The following TMCC1 variants were observed in gnomAD, a reference collection of about 807,000 sequenced individuals.
TMCC1 encodes transmembrane and coiled-coil domains protein 1.
Under a neutral mutation model 52.4 loss-of-function variants are expected in TMCC1, and 15 were observed. The ratio of observed to expected loss-of-function variants is 0.29; its 90% confidence interval spans 0.19 to 0.44. The LOEUF (loss-of-function observed/expected upper bound fraction) is 0.44. Ranked by LOEUF, TMCC1 falls within the 20% of genes least tolerant of loss-of-function variation. The probability of loss-of-function intolerance (pLI) is 1.00; values close to 1 mark genes in which losing one functional copy is unlikely to be tolerated. For synonymous variants in TMCC1, 279 were observed against 301.9 expected, an observed-to-expected ratio of 0.92 and a Z score of 0.79; for missense variants, 503 against 806.0, an observed-to-expected ratio of 0.62 and a Z score of 4.55.
rs529159761 is a variant in TMCC1, at chr3:129,706,667, G to T, written c.577-35403C>A. ...AACACAGGAAACTCCTAAACTTTTA[G>T]AAGTGAAATTAGGACCAAGAGCCAC... On this transcript the variant is annotated intron_variant, in intron 4 of 6. Transcript: ENST00000393238. Among the ~76,000 whole-genome samples, 10 of 152,272 alleles carry T rather than the reference G, an allele frequency of 6.6e-5. No individual in the cohort carries two copies. In the South Asian group the frequency reaches 2.1e-3, roughly 32 times the overall value.
intron 4 of TMCC1, among the ~76,000 whole-genome samples, chr3:129,722,907 A>G (rs535372330): frequency 5.9e-5 from 9 of 152,364 alleles, no homozygotes; most frequent in Non-Finnish European, 1.3e-4. Context: ...ACCATAAGGC[A>G]TAAGAGGGTA....
intron 2 of TMCC1, among the ~76,000 whole-genome samples, chr3:129,844,781 A>G (rs370144539): frequency 1.0e-3 from 159 of 152,118 alleles, no homozygotes; most frequent in African/African-American, 3.4e-3. Flanking sequence ...AAGAATGAAA[A>G]CTCTTTACTC....
intron 4 of TMCC1, among the ~76,000 whole-genome samples, chr3:129,701,339 C>A (rs993011741): frequency 6.6e-6 from 1 of 152,230 alleles, no homozygotes; most frequent in Non-Finnish European, 1.5e-5. Flanking sequence ...TCTGTTCTCT[C>A]TCACCTGGCA....
At chr3:129,700,044 C>G (rs2047703537) in intron 4 of TMCC1, among the ~76,000 whole-genome samples, 1 of 152,034 alleles carries the variant, frequency 6.6e-6, no homozygotes, top group Non-Finnish European at 1.5e-5. Flanking sequence ...TTAATATACC[C>G]TTAAGACAAA....
chr3:129,685,941 T>C (rs1471998660), intron 4 of TMCC1, among the ~76,000 whole-genome samples: 1 of 152,186 alleles, frequency 6.6e-6, no homozygotes, highest in East Asian at 1.9e-4. Context: ...CTTCTACCTA[T>C]ATCCGATCCA....
chr3:129,682,345 A>C (rs2089057712), intron 4 of TMCC1, among the ~76,000 whole-genome samples: 1 of 152,208 alleles, frequency 6.6e-6, no homozygotes, highest in Non-Finnish European at 1.5e-5. Context: ...AAGAAAATAT[A>C]AACTACAAAT....
intron 4 of TMCC1, among the ~76,000 whole-genome samples, chr3:129,820,441 A>C (rs1376302928): frequency 6.6e-6 from 1 of 151,994 alleles, no homozygotes; most frequent in Non-Finnish European, 1.5e-5. Flanking sequence ...GAAGAGACAC[A>C]ATGTGAAGGC....
Position 129,670,836 on chromosome 3 carries a change from C to A in TMCC1, c.1005G>T (p.Lys335Asn). The stretch of plus-strand genomic sequence containing the variant: ...CCACACCTTCACTGAAGCCAGTCAC[C>A]TTTGCTCCTACATCCTTCAGACCCT... ...MHQGLKDVGA[K>N]VTGFSEGVVD... is the part of the protein sequence containing the mutation. Residue 335 changes from lysine (K) to asparagine (N), a missense_variant, in exon 5 of 7, where the codon AAG becomes AAT. Lys to Asn is a moderately conservative substitution (Grantham distance 94). Around this residue, in one of 7 missense-constraint regions of TMCC1, gnomAD observed 73 missense variants for 182.9 expected, o/e 0.40. Coordinates refer to ENST00000393238, the MANE Select transcript of TMCC1 (RefSeq NM_001017395.5). 1 of 1,614,176 alleles carries A rather than the reference C, an allele frequency of 6.2e-7. No individual in the cohort carries two copies. Among genetic ancestry groups the A allele is most frequent in the Non-Finnish European group, 8.5e-7 (1 of 1,180,034 alleles).
chr3:129,689,083 A>C (rs911731308), intron 4 of TMCC1, among the ~76,000 whole-genome samples: 4 of 152,214 alleles, frequency 2.6e-5, no homozygotes. Flanking sequence ...TAGGTTGGCA[A>C]AATCATTTAA....
At chr3:129,799,563 C>T (rs1473321135) in intron 4 of TMCC1, among the ~76,000 whole-genome samples, 6 of 152,224 alleles carry the variant, frequency 3.9e-5, no homozygotes, top group African/African-American at 9.6e-5. Context: ...GTAGTCCCAG[C>T]GCTTTGGGAG....
intron 4 of TMCC1, among the ~76,000 whole-genome samples, chr3:129,811,881 T>C (rs2057830523): frequency 6.6e-6 from 1 of 150,664 alleles, no homozygotes; most frequent in Admixed American, 6.6e-5. Context: ...TAGGCGGAGG[T>C]TGCAGTGAGC....
chr3:129,796,910 AAC>A (rs2056867739), intron 4 of TMCC1, among the ~76,000 whole-genome samples: 1 of 152,230 alleles, frequency 6.6e-6, no homozygotes. Context: ...TCAGGTAAGA[AAC>A]ACAAAAAAAT....
chr3:129,798,713 G>C (rs1432762798), intron 4 of TMCC1, among the ~76,000 whole-genome samples: 1 of 152,130 alleles, frequency 6.6e-6, no homozygotes, highest in Non-Finnish European at 1.5e-5. Context: ...AAATTGCACA[G>C]ACTTGTTAAC....
intron 4 of TMCC1, among the ~76,000 whole-genome samples, chr3:129,710,172 CG>C: frequency 7.1e-6 from 1 of 141,054 alleles, no homozygotes; most frequent in Middle Eastern, 3.5e-3. Context: ...GGCGACAGAG[CG>C]AGATTCCATC....
chr3:129,880,500 C>T lies in TMCC1; in HGVS notation c.-375G>A, dbSNP rs182811566. The T allele has an allele frequency of 2.0e-5, 3 of 152,242 alleles. No individual in the cohort carries two copies. Among genetic ancestry groups the T allele is most frequent in the Admixed American group, 6.5e-5 (1 of 15,288 alleles). The allele number at this position is 152,242 out of a possible 1,614,324, so 9.4% of individuals were successfully genotyped here. The stretch of plus-strand genomic sequence containing the variant: ...CTTGTGACCAAAGGCAACTGTTCAC[C>T]GAGCGTCAGCATCTGAAGAAAGTGC... On this transcript the variant is annotated 5_prime_UTR_variant, in exon 2 of 7. Transcript: ENST00000393238.
intron 4 of TMCC1, among the ~76,000 whole-genome samples, chr3:129,817,201 C>A (rs1444358652): frequency 1.3e-5 from 2 of 152,068 alleles, no homozygotes; most frequent in Admixed American, 6.5e-5. Context: ...AAGGCAAGCA[C>A]ATTTGAATCA....
intron 4 of TMCC1, among the ~76,000 whole-genome samples, chr3:129,781,273 T>C (rs2055502214): frequency 6.6e-6 from 1 of 152,208 alleles, no homozygotes; most frequent in Non-Finnish European, 1.5e-5. Context: ...TCACTGATCA[T>C]GTAGGGTACT....
In TMCC1 at chr3:129,649,387, C is replaced by T. The variant is rs1445405252; in HGVS notation, c.*2094G>A. The T allele has an allele frequency of 6.6e-6, 1 of 151,642 alleles. No individual in the cohort carries two copies. Among genetic ancestry groups the T allele is most frequent in the Non-Finnish European group, 1.5e-5 (1 of 67,938 alleles). The allele number at this position is 151,642 out of a possible 1,614,324, so 9.4% of individuals were successfully genotyped here. ...ATTTTAATACATATAGGCTTGGGGA[C>T]AATTTGTTTTTGGCATGAACATGAA... On this transcript the variant is annotated 3_prime_UTR_variant, in exon 7 of 7. Coordinates refer to ENST00000393238, the MANE Select transcript of TMCC1 (RefSeq NM_001017395.5).
intron 4 of TMCC1, among the ~76,000 whole-genome samples, chr3:129,695,096 C>CCAAA: frequency 2.8e-5 from 1 of 35,238 alleles, no homozygotes; most frequent in South Asian, 2.1e-3. Flanking sequence ...GACTCTGTCT[C>CCAAA]AAAAAAAAAA....
Sources: allele counts gnomAD v4.1 joint callset (sites outside exome capture counted in the v4.1 genomes callset), GRCh38; gene constraint gnomAD v4.1.1; regional missense constraint gnomAD v4.1.1; transcripts MANE v1.5; gene names NCBI Gene and HGNC (gene_info 2026-07-23, HGNC 2026-07-21).